The following ELF1 variants were observed in gnomAD, a reference collection of about 807,000 sequenced individuals.
The protein encoded by ELF1 is E74 like ETS transcription factor 1.
A neutral mutation model predicts 59.9 loss-of-function variants in ELF1; 24 were observed. The observed-to-expected ratio is 0.40, with a 90% CI of 0.29 to 0.56. ELF1 has a LOEUF of 0.56. Among genes scored for constraint, ELF1 ranks in the 20% least tolerant of loss-of-function variants. ELF1 has a pLI of 0.44. For missense variants in ELF1, 627 were observed against 742.2 expected, an observed-to-expected ratio of 0.84 and a Z score of 1.80; for synonymous variants, 248 against 266.2, an observed-to-expected ratio of 0.93 and a Z score of 0.67.
At chr13:40,945,653 T>C (rs933529398) in intron 5 of ELF1, among the ~76,000 whole-genome samples, 7 of 152,322 alleles carry the variant, frequency 4.6e-5, no homozygotes, top group Admixed American at 3.3e-4. Context: ...CTCTTGAATA[T>C]TGTCTCTTCC....
chr13:41,028,958 TGGTCTC>T (rs1876059048), intron 1 of ELF1, among the ~76,000 whole-genome samples: 2 of 151,904 alleles, frequency 1.3e-5, no homozygotes, highest in Admixed American at 6.6e-5. Context: ...TTGGCCAGGC[TGGTCTC>T]AAACTCCTGA....
chr13:40,989,651 T>C (rs1438677293), intron 1 of ELF1, among the ~76,000 whole-genome samples: 4 of 152,118 alleles, frequency 2.6e-5, no homozygotes, highest in African/African-American at 9.7e-5. Flanking sequence ...TTCCACAATA[T>C]AGTAAAATGA....
Position 40,941,021 on chromosome 13 carries a change from C to T in ELF1, c.1156G>A (p.Val386Ile). ...GCCTGTACTGGCTGTACTACATGAA[C>T]AGTCCGGAAGAGCTGGGTAGGATAT... ...SPYPTQLFRTVHVVQPVQAVP... is the reference protein window; with the variant it reads ...SPYPTQLFRTIHVVQPVQAVP... The change falls in exon 8 of 9, where the codon GTT (valine) becomes ATT (isoleucine). Residue 386 changes from valine (V) to isoleucine (I), a missense_variant. Val to Ile is a conservative substitution (Grantham distance 29). Transcript: ENST00000239882. 6.2e-7 allele frequency: 1 copy of T among 1,614,220 alleles called. No individual in the cohort carries two copies. Among genetic ancestry groups the T allele is most frequent in the South Asian group, 1.1e-5 (1 of 91,088 alleles).
chr13:41,006,385 C>T (rs1174785911), intron 1 of ELF1, among the ~76,000 whole-genome samples: 1 of 152,130 alleles, frequency 6.6e-6, no homozygotes, highest in Non-Finnish European at 1.5e-5. Context: ...CATTTCCTTA[C>T]ACATTAGCTC....
chr13:40,994,414 G>A (rs902405741), intron 1 of ELF1, among the ~76,000 whole-genome samples: 3 of 152,170 alleles, frequency 2.0e-5, no homozygotes, highest in African/African-American at 4.8e-5. Flanking sequence ...AAGCCCAAGA[G>A]GGCAGATCAC....
At chr13:40,978,112 G>T (rs1257966614) in intron 2 of ELF1, among the ~76,000 whole-genome samples, 1 of 152,138 alleles carries the variant, frequency 6.6e-6, no homozygotes, top group African/African-American at 2.4e-5. Flanking sequence ...GGGGGCGGTG[G>T]CTCATGCCTG....
At chr13:41,052,921 T>G (rs1319865949) in intron 1 of ELF1, among the ~76,000 whole-genome samples, 1 of 152,196 alleles carries the variant, frequency 6.6e-6, no homozygotes, top group Admixed American at 6.5e-5. Context: ...GTGAGACATA[T>G]GTGTTAGCAA....
chr13:40,952,155 CAT>C (rs1358901925), intron 3 of ELF1, among the ~76,000 whole-genome samples: 1 of 152,102 alleles, frequency 6.6e-6, no homozygotes, highest in Non-Finnish European at 1.5e-5. Context: ...TAGAATTTCC[CAT>C]AGTTTGGATT....
rs558183888 is a variant in ELF1, at chr13:41,051,957, G to A, written c.-229+8881C>T. On this transcript the variant is annotated intron_variant, in intron 1 of 1. Transcript: ENST00000405737. ...CTCTTTTTTTTTTTTTTTTTTTTGAGACAGAGTCTCACTCAGTCTGTCGCC... is the reference window on the plus strand; with the variant it reads ...CTCTTTTTTTTTTTTTTTTTTTTGAAACAGAGTCTCACTCAGTCTGTCGCC... Among the ~76,000 whole-genome samples the A allele has an allele frequency of 8.1e-5, 9 of 111,778 alleles. No individual in the cohort carries two copies. In the South Asian group the frequency reaches 2.6e-3, roughly 32 times the overall value. The allele number at this position is 111,778 out of a possible 152,430, so 73.3% of individuals were successfully genotyped here.
At chr13:40,960,249 C>T (rs1379165430) in intron 2 of ELF1, among the ~76,000 whole-genome samples, 1 of 152,052 alleles carries the variant, frequency 6.6e-6, no homozygotes, top group Non-Finnish European at 1.5e-5. Context: ...CTAATTGTCC[C>T]ACTAATGTCC....
intron 1 of ELF1, among the ~76,000 whole-genome samples, chr13:41,012,818 A>G (rs1305853485): frequency 6.6e-6 from 1 of 151,948 alleles, no homozygotes; most frequent in Admixed American, 6.6e-5. Context: ...TAGGCTTTCC[A>G]AAGTGCTCAA....
Position 40,933,324 on chromosome 13 carries a change from A to G in ELF1, c.*101T>C. The G allele has an allele frequency of 7.0e-7, 1 of 1,434,194 alleles. No individual in the cohort carries two copies. Among genetic ancestry groups the G allele is most frequent in the Non-Finnish European group, 9.3e-7 (1 of 1,074,952 alleles). The allele number at this position is 1,434,194 out of a possible 1,614,324, so 88.8% of individuals were successfully genotyped here. A position where few individuals can be genotyped will look rare whatever the true frequency, so the allele number is the denominator to read the frequency against. On this transcript the variant is annotated 3_prime_UTR_variant, in exon 9 of 9. Coordinates refer to ENST00000239882, the MANE Select transcript of ELF1 (RefSeq NM_172373.4). ...TTAACTCTATTTTTAACAATTACAA[A>G]ATTAGAAACCTCCTTAGAATTTATC...
At chr13:40,950,041 TTTC>T in intron 4 of ELF1, 68 bp from the exon 5 acceptor site, 1 of 1,341,472 alleles carries the variant, frequency 7.5e-7, no homozygotes, top group Admixed American at 2.7e-5. Context: ...ATTGAGAAAA[TTTC>T]TTGTTTCTAT....
intron 1 of ELF1, among the ~76,000 whole-genome samples, chr13:41,028,090 C>G (rs1271372104): frequency 6.6e-6 from 1 of 152,142 alleles, no homozygotes; most frequent in Non-Finnish European, 1.5e-5. Context: ...GTTCCCGTAA[C>G]TTTATGCTCT....
intron 1 of ELF1, among the ~76,000 whole-genome samples, chr13:41,018,020 T>C (rs1346416152): frequency 6.6e-6 from 1 of 152,178 alleles, no homozygotes; most frequent in Non-Finnish European, 1.5e-5. Context: ...TAAGAAATAA[T>C]AACTGATTGC....
At chr13:40,969,917 T>C (rs1388494927) in intron 2 of ELF1, among the ~76,000 whole-genome samples, 1 of 152,160 alleles carries the variant, frequency 6.6e-6, no homozygotes, top group African/African-American at 2.4e-5. Context: ...TTGCCCGGGC[T>C]GGTAAAGTTG....
intron 1 of ELF1, among the ~76,000 whole-genome samples, chr13:40,999,162 AT>A (rs1222019090): frequency 6.6e-6 from 1 of 152,266 alleles, no homozygotes; most frequent in East Asian, 1.9e-4. Context: ...TGTGGAAAAT[AT>A]AAAGATAATG....
intron 2 of ELF1, among the ~76,000 whole-genome samples, chr13:40,974,453 G>A (rs946097738): frequency 1.3e-5 from 2 of 152,136 alleles, no homozygotes; most frequent in Non-Finnish European, 2.9e-5. Context: ...CAGGCAAGTT[G>A]CTTCCCTTCG....
At chr13:40,975,927 G>A (rs1362563303) in intron 2 of ELF1, among the ~76,000 whole-genome samples, 2 of 152,100 alleles carry the variant, frequency 1.3e-5, no homozygotes, top group African/African-American at 4.8e-5. Flanking sequence ...AAAAGACAAT[G>A]TCTTACTTCA....
Sources: gnomAD v4.1 joint callset for allele counts (sites outside exome capture counted in the v4.1 genomes callset) on GRCh38, gnomAD v4.1.1 for gene constraint, MANE v1.5 for transcripts, NCBI Gene and HGNC (gene_info 2026-07-23, HGNC 2026-07-21) for gene names.